The following KRT72 variants were observed in gnomAD, a reference collection of about 807,000 sequenced individuals.
The protein encoded by KRT72 is keratin, type II cytoskeletal 72.
Under a neutral mutation model 44.7 loss-of-function variants are expected in KRT72, and 44 were observed. That is an observed-to-expected ratio of 0.98 (90% CI 0.77 to 1.27). The LOEUF (loss-of-function observed/expected upper bound fraction) is 1.27. Among genes scored for constraint, KRT72 ranks in the 50% most tolerant of loss-of-function variants. The probability of loss-of-function intolerance (pLI) is 0.00; values close to 1 mark genes in which losing one functional copy is unlikely to be tolerated. For missense variants in KRT72, 736 were observed against 667.1 expected, an observed-to-expected ratio of 1.10 and a Z score of -1.14; for synonymous variants, 302 against 280.4, an observed-to-expected ratio of 1.08 and a Z score of -0.77.
chr12:52,601,126 C>G lies in KRT72; in HGVS notation c.327G>C (p.Pro109=). Residue 109 remains proline, a synonymous_variant, in exon 1 of 9, where the codon CCG becomes CCC. Transcript: ENST00000293745. ...QVTVNKSLLA[P]LNVEMDPEIQ... is the part of the protein sequence containing the mutation. ...TCTCGGGGTCCATCTCCACGTTGAG[C>G]GGGGCCAGGAGGCTCTTGTTGACGG... 1.9e-6 allele frequency: 3 copies of G among 1,613,316 alleles called. No homozygotes were observed. The East Asian group carries it at 6.7e-5, about 36-fold the overall frequency.
rs554891584 is a variant in KRT72, at chr12:52,595,527, T to C, written c.642-2575A>G. On this transcript the variant is annotated intron_variant, in intron 2 of 8. Transcript: ENST00000293745. ...GATTTTTCTGATGAAAAGCAACTCA[T>C]GTCTCTGATTTGAATATGAAAATTG... 1.1e-3 allele frequency among the ~76,000 whole-genome samples: 160 copies of C among 152,342 alleles called. 1 individual carries two copies. The South Asian group carries it at 0.033, about 31-fold the overall frequency.
upstream of KRT72, chr12:52,601,481 G>T (rs756106435): frequency 1.7e-5 from 26 of 1,530,308 alleles, no homozygotes; most frequent in Non-Finnish European, 2.2e-5. Flanking sequence ...CTGGCCGCGC[G>T]GGAGGCAGAA....
At position 52,592,476 on chromosome 12, in the gene KRT72, A is replaced by C; in HGVS notation, c.718T>G (p.Tyr240Asp). The C allele has an allele frequency of 6.2e-7, 1 of 1,614,000 alleles. No individual in the cohort carries two copies. Among genetic ancestry groups the C allele is most frequent in the Admixed American group, 1.7e-5 (1 of 59,998 alleles). ...GCCTGGAGCTCAACCTTATTCATGT[A>C]AGCAGCATCCACGTCCTGGGAGCAC... is the stretch of plus-strand genomic sequence containing the variant. ...VVLKKDVDAA[Y>D]MNKVELQAKV... The change falls in exon 4 of 9, where the codon TAC becomes GAC. Residue 240 changes from tyrosine (Y) to aspartate (D), a missense_variant. Coordinates refer to ENST00000293745, the MANE Select transcript of KRT72 (RefSeq NM_080747.3).
chr12:52,600,436 G>GT (rs1196883795), intron 1 of KRT72, among the ~76,000 whole-genome samples: 1 of 152,124 alleles, frequency 6.6e-6, no homozygotes, highest in Non-Finnish European at 1.5e-5. Flanking sequence ...TCCTTGATAC[G>GT]TTTTGGCTGT....
At position 52,585,819 on chromosome 12, in the gene KRT72, G is replaced by T. The variant is rs1046748971; in HGVS notation, c.*163C>A. The T allele has an allele frequency of 1.5e-6, 1 of 672,864 alleles. No individual in the cohort carries two copies. The highest frequency in any genetic ancestry group is 2.6e-6 in the Non-Finnish European group (1 of 386,690). 41.7% of individuals were successfully genotyped at this position (672,864 alleles called of 1,614,324 possible). On this transcript the variant is annotated 3_prime_UTR_variant, in exon 9 of 9. Coordinates refer to ENST00000293745, the MANE Select transcript of KRT72 (RefSeq NM_080747.3). ...GAGAGAGCTCCTGACTGGACTCCTT[G>T]CATCGAAGCATCACACCTTGAGGAC...
intron 2 of KRT72, among the ~76,000 whole-genome samples, chr12:52,595,091 A>C (rs1940189775): frequency 6.6e-6 from 1 of 152,200 alleles, no homozygotes; most frequent in Admixed American, 6.5e-5. Flanking sequence ...GTTTATATCT[A>C]TTTCCTAAAA....
chr12:52,595,162 T>C (rs1026973800), intron 2 of KRT72, among the ~76,000 whole-genome samples: 1 of 152,044 alleles, frequency 6.6e-6, no homozygotes, highest in African/African-American at 2.4e-5. Flanking sequence ...TGTAAATAAT[T>C]TTACATTATT....
intron 5 of KRT72, among the ~76,000 whole-genome samples, chr12:52,591,189 A>G: frequency 6.6e-6 from 1 of 152,200 alleles, no homozygotes; most frequent in East Asian, 1.9e-4. Context: ...TCAGAATCCT[A>G]TCAGGGTTGT....
At chr12:52,588,401 C>T (rs538420424) in intron 6 of KRT72, among the ~76,000 whole-genome samples, 9 of 152,286 alleles carry the variant, frequency 5.9e-5, no homozygotes, top group African/African-American at 1.7e-4. Flanking sequence ...TAACTGGGAA[C>T]GGAAAACCAA....
At chr12:52,600,821 T>C (rs1039847552) in intron 1 of KRT72, among the ~76,000 whole-genome samples, 1 of 152,162 alleles carries the variant, frequency 6.6e-6, no homozygotes, top group Admixed American at 6.5e-5. Flanking sequence ...CCAGGCACTG[T>C]TCTGAGCACT....
intron 1 of KRT72, among the ~76,000 whole-genome samples, chr12:52,600,252 C>G (rs578055946): frequency 1.2e-3 from 176 of 152,300 alleles, no homozygotes; most frequent in African/African-American, 4.0e-3. Context: ...CCCCACTCCT[C>G]AAGCACCAAG....
intron 2 of KRT72, among the ~76,000 whole-genome samples, chr12:52,595,317 T>C (rs1211559396): frequency 2.6e-5 from 4 of 152,124 alleles, no homozygotes; most frequent in African/African-American, 9.7e-5. Flanking sequence ...AAAGTACATA[T>C]TGATTTCTCT....
chr12:52,596,878 G>C (rs576011577), intron 2 of KRT72, among the ~76,000 whole-genome samples: 3 of 152,250 alleles, frequency 2.0e-5, no homozygotes, highest in African/African-American at 7.2e-5. Context: ...CATATTTTGT[G>C]ATAGGGTGAT....
intron 2 of KRT72, among the ~76,000 whole-genome samples, chr12:52,595,468 T>A (rs1315421622): frequency 6.6e-6 from 1 of 152,204 alleles, no homozygotes; most frequent in African/African-American, 2.4e-5. Context: ...AAGTACAAAT[T>A]CTTACTTTTA....
chr12:52,585,869 G>C lies in KRT72; in HGVS notation c.*113C>G, dbSNP rs1939718438. 1 of 963,872 alleles carries C rather than the reference G, an allele frequency of 1.0e-6. No individual in the cohort carries two copies. Among genetic ancestry groups the C allele is most frequent in the Non-Finnish European group, 1.6e-6 (1 of 623,120 alleles). 59.7% of individuals were successfully genotyped at this position (963,872 alleles called of 1,614,324 possible). A position where few individuals can be genotyped will look rare whatever the true frequency, so the allele number is the denominator to read the frequency against. On this transcript the variant is annotated 3_prime_UTR_variant, in exon 9 of 9. Transcript: ENST00000293745. ...CAACAGGGAGAGGAAATGGGGTTGGGACTGTAGTGACAGACAAAGCATTTC... is the reference window on the plus strand; with the variant it reads ...CAACAGGGAGAGGAAATGGGGTTGGCACTGTAGTGACAGACAAAGCATTTC...
chr12:52,594,285 T>A (rs1166530722), intron 2 of KRT72, among the ~76,000 whole-genome samples: 6 of 152,190 alleles, frequency 3.9e-5, no homozygotes, highest in Admixed American at 2.0e-4. Context: ...TTATAAATCA[T>A]GCTACTATAA....
chr12:52,588,481 T>G (rs960082765), intron 6 of KRT72, among the ~76,000 whole-genome samples: 2 of 152,088 alleles, frequency 1.3e-5, no homozygotes. Context: ...AGGGGAACAA[T>G]GCACACTGGA....
At chr12:52,600,930 G>C in intron 1 of KRT72, 97 bp downstream of exon 1, 1 of 1,350,004 alleles carries the variant, frequency 7.4e-7, no homozygotes, top group Non-Finnish European at 1.0e-6. Context: ...GAGAGGTTAT[G>C]ACCCGCCCAC....
At chr12:52,592,589 C>A (rs1354184173) in intron 3 of KRT72, 98 bp from the exon 4 acceptor site, 2 of 897,304 alleles carry the variant, frequency 2.2e-6, no homozygotes, top group Non-Finnish European at 3.5e-6. Flanking sequence ...CTCCCTTCAC[C>A]CTGTGCTTCA....
Sources: gnomAD v4.1 joint callset for allele counts (sites outside exome capture counted in the v4.1 genomes callset) on GRCh38, gnomAD v4.1.1 for gene constraint, MANE v1.5 for transcripts, NCBI Gene and HGNC (gene_info 2026-07-23, HGNC 2026-07-21) for gene names.